DLG2: variants seen among roughly 807,000 people sequenced by gnomAD.
DLG2 encodes discs large MAGUK scaffold protein 2, also known as disks large homolog 2.
Under a neutral mutation model 132.5 loss-of-function variants are expected in DLG2, and 45 were observed. The ratio of observed to expected loss-of-function variants is 0.34; its 90% confidence interval spans 0.27 to 0.44. DLG2 has a LOEUF of 0.44. Ranked by LOEUF, DLG2 falls within the 20% of genes least tolerant of loss-of-function variation. DLG2 has a pLI of 1.00. For missense variants in DLG2, 1,045 were observed against 1,196.9 expected (o/e 0.87, Z 1.87); for synonymous variants, 424 against 419.6 (o/e 1.01, Z -0.13).
intron 3 of DLG2, among the ~76,000 whole-genome samples, chr11:85,549,165 T>C (rs902592774): frequency 7.2e-5 from 11 of 152,122 alleles, no homozygotes; most frequent in Admixed American, 7.2e-4. Context: ...GTGAAGACCA[T>C]GGGAAAAGCA....
At chr11:85,450,191 A>G (rs929909575) in intron 3 of DLG2, among the ~76,000 whole-genome samples, 1 of 152,118 alleles carries the variant, frequency 6.6e-6, no homozygotes, top group Non-Finnish European at 1.5e-5. Context: ...GTGGTTATCA[A>G]TTTTCAGAGC....
At chr11:84,238,042 T>TAAAAAAAAAAAAAAAAAAAAAAA (rs71036414) in intron 8 of DLG2, among the ~76,000 whole-genome samples, 2 of 73,108 alleles carry the variant, frequency 2.7e-5, no homozygotes, top group Admixed American at 1.7e-4. Flanking sequence ...AGACTCTGCC[T>TAAAAAAAAAAAAAAAAAAAAAAA]AAAAAAAAAA....
At chr11:83,631,249 TG>T (rs2063518308) in intron 19 of DLG2, 1 of 151,380 alleles carries the variant, frequency 6.6e-6, no homozygotes, top group African/African-American at 2.4e-5. Context: ...TCTTTCTTTC[TG>T]ATTTGCTGAT....
rs751856105 is a variant in DLG2, at chr11:83,532,760, C to T, written c.2141G>A (p.Arg714Gln). Reference sequence around the variant, plus strand: ...GGCATTAAACTTCACTGTCTTCAATCGGGCACGTTCCTTTCTTTCCACCCT... The same window carrying T: ...GGCATTAAACTTCACTGTCTTCAATTGGGCACGTTCCTTTCTTTCCACCCT... ...KRRVERKERA[R>Q]LKTVKFNAKP... Residue 714 changes from arginine to glutamine, a missense_variant, in exon 21 of 28, where the codon CGA (arginine) becomes CAA (glutamine). This residue lies in a region of DLG2 where 398 missense variants were observed against 543.6 expected (regional missense o/e 0.73). Coordinates refer to ENST00000376104, the MANE Select transcript of DLG2 (RefSeq NM_001142699.3). The T allele has an allele frequency of 5.0e-6, 8 of 1,612,482 alleles. No individual in the cohort carries two copies. The highest frequency in any genetic ancestry group is 4.4e-5 in the South Asian group (4 of 90,806).
intron 6 of DLG2, among the ~76,000 whole-genome samples, chr11:84,943,159 T>TGTGTGC (rs1391870852): frequency 2.3e-5 from 3 of 130,164 alleles, no homozygotes; most frequent in East Asian, 4.9e-4. Flanking sequence ...GGGTCGTGTG[T>TGTGTGC]GTGTGTGCGT....
chr11:84,273,326 A>C (rs2097755222), intron 7 of DLG2: 2 of 1,390,298 alleles, frequency 1.4e-6, no homozygotes, highest in Non-Finnish European at 9.3e-7. Flanking sequence ...AAAAAAAAAA[A>C]AAACCCTGCA....
At chr11:83,867,640 T>C (rs768446452) in intron 16 of DLG2, among the ~76,000 whole-genome samples, 7 of 152,194 alleles carry the variant, frequency 4.6e-5, no homozygotes, top group Middle Eastern at 3.2e-3. Flanking sequence ...TGTTAGTCCT[T>C]GAAATTCCAC....
chr11:83,694,385 G>T (rs1255477099), intron 18 of DLG2, among the ~76,000 whole-genome samples: 1 of 152,142 alleles, frequency 6.6e-6, no homozygotes, highest in Non-Finnish European at 1.5e-5. Flanking sequence ...AAAGGCCATT[G>T]TCCCCGGCCC....
chr11:85,104,908 A>T (rs935469532), intron 6 of DLG2, among the ~76,000 whole-genome samples: 4 of 146,258 alleles, frequency 2.7e-5, no homozygotes, highest in Non-Finnish European at 4.5e-5. Context: ...AAACAGAGAG[A>T]GAAAGGAGAA....
At chr11:83,820,368 C>A (rs2050424826) in intron 17 of DLG2, among the ~76,000 whole-genome samples, 1 of 152,132 alleles carries the variant, frequency 6.6e-6, no homozygotes. Flanking sequence ...ATAATACCAT[C>A]CCCTGCCTGT....
chr11:85,275,204 G>C (rs146871455), intron 4 of DLG2, among the ~76,000 whole-genome samples: 3,163 of 152,230 alleles, frequency 0.021, 57 homozygotes, highest in Admixed American at 0.037. Flanking sequence ...AATGACTAGA[G>C]GTGCTAATTG....
At chr11:85,304,475 T>C (rs1251107517) in intron 3 of DLG2, among the ~76,000 whole-genome samples, 1 of 152,018 alleles carries the variant, frequency 6.6e-6, no homozygotes, top group Non-Finnish European at 1.5e-5. Flanking sequence ...AATTCAATAT[T>C]TTTGAAAAAG....
intron 11 of DLG2, among the ~76,000 whole-genome samples, chr11:83,986,148 T>C (rs1013386248): frequency 6.6e-6 from 1 of 151,844 alleles, no homozygotes; most frequent in African/African-American, 2.4e-5. Flanking sequence ...CATGTTGGTG[T>C]GCTGCACCCA....
intron 18 of DLG2, among the ~76,000 whole-genome samples, chr11:83,659,144 G>A (rs2073574731): frequency 6.6e-6 from 1 of 152,122 alleles, no homozygotes; most frequent in Non-Finnish European, 1.5e-5. Context: ...TCATTATAAT[G>A]GCCAACATAT....
chr11:83,895,086 G>A (rs1485564878), intron 15 of DLG2, among the ~76,000 whole-genome samples: 1 of 148,846 alleles, frequency 6.7e-6, no homozygotes, highest in Non-Finnish European at 1.5e-5. Flanking sequence ...AATAAGACAA[G>A]TTATAAATAA....
intron 6 of DLG2, among the ~76,000 whole-genome samples, chr11:84,559,847 T>G (rs1383178955): frequency 1.3e-5 from 2 of 152,164 alleles, no homozygotes; most frequent in African/African-American, 2.4e-5. Flanking sequence ...AATTTTAAAT[T>G]GATTAAATCA....
intron 6 of DLG2, among the ~76,000 whole-genome samples, chr11:84,636,156 A>T (rs1407303241): frequency 6.6e-6 from 1 of 152,174 alleles, no homozygotes; most frequent in Non-Finnish European, 1.5e-5. Context: ...ACAGAATATG[A>T]GTGAAACAAA....
intron 3 of DLG2, among the ~76,000 whole-genome samples, chr11:85,583,155 T>TAC (rs2078725549): frequency 8.3e-6 from 1 of 120,140 alleles, no homozygotes; most frequent in East Asian, 2.2e-4. Flanking sequence ...TATATATATA[T>TAC]ATATATATAT....
chr11:84,427,725 A>G (rs1352673088), intron 7 of DLG2, among the ~76,000 whole-genome samples: 1 of 151,020 alleles, frequency 6.6e-6, no homozygotes, highest in African/African-American at 2.5e-5. Context: ...CAGAAAATAC[A>G]TTTTTACCCC....
Sources: allele counts gnomAD v4.1 joint callset (sites outside exome capture counted in the v4.1 genomes callset), GRCh38; gene constraint gnomAD v4.1.1; regional missense constraint gnomAD v4.1.1; transcripts MANE v1.5; gene names NCBI Gene and HGNC (gene_info 2026-07-23, HGNC 2026-07-21).